The following FCHSD2 variants were observed in gnomAD, a reference collection of about 807,000 sequenced individuals.
The protein encoded by FCHSD2 is F-BAR and double SH3 domains protein 2.
FCHSD2 carries 38 observed loss-of-function variants against 108.1 expected under a neutral mutation model. The observed-to-expected ratio is 0.35, with a 90% CI of 0.27 to 0.46. The LOEUF (loss-of-function observed/expected upper bound fraction) is 0.46, where lower values mean the gene tolerates loss of function less well. FCHSD2 is among the 20% of genes least tolerant of loss of function. The probability of loss-of-function intolerance (pLI) is 1.00; values close to 1 mark genes in which losing one functional copy is unlikely to be tolerated. For synonymous variants in FCHSD2, 279 were observed against 314.7 expected, an observed-to-expected ratio of 0.89 and a Z score of 1.20; for missense variants, 751 against 897.8, an observed-to-expected ratio of 0.84 and a Z score of 2.09.
chr11:73,031,809 C>A (rs1307705085), intron 3 of FCHSD2, among the ~76,000 whole-genome samples: 1 of 152,100 alleles, frequency 6.6e-6, no homozygotes, highest in Non-Finnish European at 1.5e-5. Context: ...GGCACAGCAG[C>A]CTTTTCGCCT....
intron 2 of FCHSD2, among the ~76,000 whole-genome samples, chr11:73,110,503 T>C (rs1860458056): frequency 6.6e-6 from 1 of 152,208 alleles, no homozygotes; most frequent in African/African-American, 2.4e-5. Flanking sequence ...CCATGAATAA[T>C]CTTTTTAATT....
rs1857617021 is a variant in FCHSD2, at chr11:73,001,084, G to C, written c.293C>G (p.Ala98Gly). 6.2e-7 allele frequency: 1 copy of C among 1,612,840 alleles called. No individual in the cohort carries two copies. The highest frequency in any genetic ancestry group is 8.5e-7 in the Non-Finnish European group (1 of 1,179,300). Reference sequence around the variant, plus strand: ...TTCACATATATTCATCCGAGACTGGGCTACCTGCATTGTTCCCTCGAGAAA... The same window carrying C: ...TTCACATATATTCATCCGAGACTGGCCTACCTGCATTGTTCCCTCGAGAAA... ...KSFLEGTMQV[A>G]QSRMNICENY... is the part of the protein sequence containing the mutation. The change falls in exon 5 of 20, where the codon GCC (alanine) becomes GGC (glycine). Residue 98 changes from alanine to glycine, a missense_variant. Ala to Gly is a moderately conservative substitution (Grantham distance 60, BLOSUM62 0). Transcript: ENST00000409418.
At chr11:73,028,187 C>T (rs574930360) in intron 3 of FCHSD2, among the ~76,000 whole-genome samples, 83 of 152,236 alleles carry the variant, frequency 5.5e-4, no homozygotes, top group South Asian at 4.6e-3. Context: ...CTGGAAAAGC[C>T]GCAGGCACTC....
intron 9 of FCHSD2, among the ~76,000 whole-genome samples, chr11:72,907,599 G>T (rs113207050): frequency 0.18 from 20,655 of 114,706 alleles, 2,266 homozygotes; most frequent in Middle Eastern, 0.25. Flanking sequence ...AATCACGTGG[G>T]TTTTTTTTTT....
chr11:73,010,951 G>C (rs529164342), intron 4 of FCHSD2, among the ~76,000 whole-genome samples: 2 of 152,264 alleles, frequency 1.3e-5, no homozygotes, highest in African/African-American at 4.8e-5. Context: ...GTCTTGAGCA[G>C]TGTATGCTGG....
intron 2 of FCHSD2, among the ~76,000 whole-genome samples, chr11:73,138,156 T>C (rs550182757): frequency 6.6e-6 from 1 of 152,266 alleles, no homozygotes; most frequent in East Asian, 1.9e-4. Context: ...GTGTGCCACA[T>C]CTCATATGTA....
intron 8 of FCHSD2, among the ~76,000 whole-genome samples, chr11:72,976,920 CT>C (rs1157851302): frequency 1.3e-5 from 2 of 151,428 alleles, no homozygotes; most frequent in Non-Finnish European, 3.0e-5. Context: ...AGACCTCAAA[CT>C]ATGAAACTTT....
At chr11:73,138,678 G>A (rs577895665) in intron 2 of FCHSD2, among the ~76,000 whole-genome samples, 1 of 148,918 alleles carries the variant, frequency 6.7e-6, no homozygotes. Context: ...GTGCCATCTC[G>A]GCTCACTGCA....
At chr11:73,092,255 G>A (rs1859975960) in intron 2 of FCHSD2, among the ~76,000 whole-genome samples, 1 of 151,870 alleles carries the variant, frequency 6.6e-6, no homozygotes, top group African/African-American at 2.4e-5. Flanking sequence ...AGCCTCCCAA[G>A]TAGCTGGGAC....
chr11:73,005,990 C>A (rs1565364792), intron 4 of FCHSD2, among the ~76,000 whole-genome samples: 1 of 151,490 alleles, frequency 6.6e-6, no homozygotes, highest in Non-Finnish European at 1.5e-5. Flanking sequence ...TTACTACAGC[C>A]TCGAACCCCT....
Position 73,141,995 on chromosome 11 carries a change from T to G in FCHSD2, c.-118A>C. 1.9e-6 allele frequency: 2 copies of G among 1,028,102 alleles called. No homozygotes were observed. Among genetic ancestry groups the G allele is most frequent in the East Asian group, 2.8e-5 (1 of 36,280 alleles). The allele number at this position is 1,028,102 out of a possible 1,614,324, so 63.7% of individuals were successfully genotyped here. ...CGCGCGCGTGTGTGAAAGGAGCGCT[T>G]AAGAAGCAAGACTTGCCCCGGAGGG... On this transcript the variant is annotated 5_prime_UTR_variant, in exon 1 of 20. Coordinates refer to ENST00000409418, the MANE Select transcript of FCHSD2 (RefSeq NM_014824.3).
chr11:73,129,170 CAG>C (rs2135569194), intron 2 of FCHSD2, among the ~76,000 whole-genome samples: 2 of 152,278 alleles, frequency 1.3e-5, no homozygotes, highest in South Asian at 4.1e-4. Context: ...CGCGCCTGGC[CAG>C]AGACTCTAAT....
chr11:72,988,977 C>T lies in FCHSD2; in HGVS notation c.508G>A (p.Asp170Asn). 6.2e-7 allele frequency: 1 copy of T among 1,604,218 alleles called. No homozygotes were observed. The highest frequency in any genetic ancestry group is 8.5e-7 in the Non-Finnish European group (1 of 1,176,646). ...QMAHAVREKADIEAKSKLSLF... is the reference protein window; with the variant it reads ...QMAHAVREKANIEAKSKLSLF... ...TAAAACACATACTTTGCCTCGATGT[C>T]AGCTTTCTCTCGTACTGCATGAGCC... is the stretch of plus-strand genomic sequence containing the variant. Residue 170 changes from aspartate to asparagine, a missense_variant, in exon 6 of 20, where the codon GAC becomes AAC. Transcript: ENST00000409418.
intron 3 of FCHSD2, among the ~76,000 whole-genome samples, chr11:73,048,409 A>C (rs998566021): frequency 1.5e-4 from 23 of 152,244 alleles, no homozygotes; most frequent in African/African-American, 5.3e-4. Context: ...TGGCTTGGTT[A>C]GCTGTGTATG....
At chr11:72,993,044 ACTC>A (rs1355434453) in intron 5 of FCHSD2, among the ~76,000 whole-genome samples, 1 of 152,198 alleles carries the variant, frequency 6.6e-6, no homozygotes, top group Non-Finnish European at 1.5e-5. Context: ...TCTACAATGA[ACTC>A]AAACAAATTT....
intron 3 of FCHSD2, among the ~76,000 whole-genome samples, chr11:73,029,262 G>A (rs1446632633): frequency 6.6e-6 from 1 of 152,142 alleles, no homozygotes; most frequent in Non-Finnish European, 1.5e-5. Flanking sequence ...TATTGTAGGA[G>A]CAAATTCTGA....
intron 3 of FCHSD2, among the ~76,000 whole-genome samples, chr11:73,021,716 TA>T (rs937703061): frequency 1.3e-5 from 2 of 150,364 alleles, no homozygotes; most frequent in African/African-American, 2.4e-5. Flanking sequence ...AAATAAAACT[TA>T]AAAAAAAAGC....
At chr11:73,129,007 G>A (rs1860925600) in intron 2 of FCHSD2, among the ~76,000 whole-genome samples, 1 of 152,120 alleles carries the variant, frequency 6.6e-6, no homozygotes, top group East Asian at 1.9e-4. Context: ...CAGTAGCTGG[G>A]ACTACAGGCA....
chr11:72,899,735 TAAAA>T (rs10674308), intron 10 of FCHSD2, among the ~76,000 whole-genome samples: 166 of 72,738 alleles, frequency 2.3e-3, no homozygotes, highest in South Asian at 0.018. Context: ...GACCCTATCT[TAAAA>T]AAAAAAAAAA....
Sources: gnomAD v4.1 joint callset for allele counts (sites outside exome capture counted in the v4.1 genomes callset) on GRCh38, gnomAD v4.1.1 for gene constraint, MANE v1.5 for transcripts, NCBI Gene and HGNC (gene_info 2026-07-23, HGNC 2026-07-21) for gene names.